Variants in SLC28A1 observed in about 807,000 individuals in gnomAD.
SLC28A1 encodes solute carrier family 28 member 1.
A neutral mutation model predicts 74.8 loss-of-function variants in SLC28A1; 64 were observed. The observed-to-expected ratio is 0.86, with a 90% CI of 0.70 to 1.05. The LOEUF (loss-of-function observed/expected upper bound fraction) is 1.05. Ranked by LOEUF, SLC28A1 falls within the 50% of genes least tolerant of loss-of-function variation. The pLI is 0.00. For missense variants in SLC28A1, 828 were observed against 822.8 expected, an observed-to-expected ratio of 1.01 and a Z score of -0.08; for synonymous variants, 359 against 335.0, an observed-to-expected ratio of 1.07 and a Z score of -0.78.
At chr15:84,930,479 A>G (rs911128550) in intron 12 of SLC28A1, among the ~76,000 whole-genome samples, 5 of 152,130 alleles carry the variant, frequency 3.3e-5, no homozygotes, top group African/African-American at 1.2e-4. Flanking sequence ...AAAAGAAACA[A>G]CTGGGGTTTA....
intron 9 of SLC28A1, among the ~76,000 whole-genome samples, chr15:84,915,966 T>TA (rs1364382720): frequency 3.9e-5 from 6 of 151,914 alleles, no homozygotes; most frequent in Non-Finnish European, 8.8e-5. Context: ...TTCTTCTTAT[T>TA]ATTATTATTA....
the SLC28A1 span, among the ~76,000 whole-genome samples, chr15:84,960,685 C>T: frequency 6.6e-6 from 1 of 152,194 alleles, no homozygotes; most frequent in African/African-American, 2.4e-5. Context: ...AACTCCGCTT[C>T]CTGTTTTCAG....
intron 5 of SLC28A1, 122 bp downstream of exon 5, chr15:84,890,656 G>A (rs1156247405): frequency 3.6e-6 from 3 of 823,508 alleles, no homozygotes; most frequent in Non-Finnish European, 6.0e-6. Flanking sequence ...ACCAACTCAG[G>A]TCCAGCTCCC....
chr15:84,927,653 A>T (rs1275012741), intron 12 of SLC28A1, among the ~76,000 whole-genome samples: 3 of 152,136 alleles, frequency 2.0e-5, no homozygotes, highest in African/African-American at 7.2e-5. Context: ...TTTAGGCTTT[A>T]TGGCTGGCTT....
downstream of SLC28A1, chr15:84,945,927 A>G (rs2079187153): frequency 1.3e-5 from 2 of 151,074 alleles, no homozygotes; most frequent in African/African-American, 2.5e-5. Context: ...TGAGGTGATC[A>G]TGGCTCACTG....
Position 84,921,084 on chromosome 15 carries a change from C to T in SLC28A1, c.957+15C>T. ...TTGTGAGCCAGGTGGGTATGGAAGC[C>T]TCCTACCCTCATGCTCATCAGCAGC... On this transcript the variant is annotated intron_variant, in intron 11 of 18. Transcript: ENST00000394573. The T allele has an allele frequency of 1.3e-6, 2 of 1,592,216 alleles. No individual in the cohort carries two copies. The highest frequency in any genetic ancestry group is 1.7e-6 in the Non-Finnish European group (2 of 1,160,142).
rs139913200 is a variant in SLC28A1, at chr15:84,909,202, A to C, written c.795+407A>C. On this transcript the variant is annotated intron_variant, in intron 9 of 18. Transcript: ENST00000394573. The stretch of plus-strand genomic sequence containing the variant: ...GCAGTTTCCAGGAAGGCTTAGGCTC[A>C]AATGATCCTCTCAGGCGCTCCTCCT... 2.9e-3 allele frequency among the ~76,000 whole-genome samples: 442 copies of C among 152,216 alleles called. 5 individuals are homozygous for C. Among genetic ancestry groups the C allele is most frequent in the Non-Finnish European group, 4.9e-3 (330 of 67,998 alleles).
In SLC28A1 at chr15:84,945,356, T is replaced by C. The variant is rs2079166558; in HGVS notation, c.*156T>C. 4.2e-6 allele frequency: 3 copies of C among 712,782 alleles called. No individual in the cohort carries two copies. Among genetic ancestry groups the C allele is most frequent in the East Asian group, 2.7e-5 (1 of 36,618 alleles). The allele number at this position is 712,782 out of a possible 1,614,324, so 44.2% of individuals were successfully genotyped here. On this transcript the variant is annotated 3_prime_UTR_variant, in exon 19 of 19. Transcript: ENST00000394573. Reference sequence around the variant, plus strand: ...TTGGGAAGGGTTCATGGAGTGAGTGTGCAGAGAGTGAGTGAGGACATAAGG... The same window carrying C: ...TTGGGAAGGGTTCATGGAGTGAGTGCGCAGAGAGTGAGTGAGGACATAAGG...
rs535311363 is a variant in SLC28A1 at position 84,900,125 on chromosome 15, T to C, written c.462-3972T>C. Among the ~76,000 whole-genome samples, 12 of 151,748 alleles carry C rather than the reference T, an allele frequency of 7.9e-5. No individual in the cohort carries two copies. The South Asian group carries it at 2.3e-3, about 29-fold the overall frequency. On this transcript the variant is annotated intron_variant, in intron 6 of 18. Transcript: ENST00000394573. ...TAAGCCCAGGAGTTCAAGACCAGCC[T>C]GAGCAATATGGTGAAACCCTGTCTC...
downstream of SLC28A1, among the ~76,000 whole-genome samples, chr15:84,949,238 T>G (rs2079333666): frequency 6.6e-6 from 1 of 152,042 alleles, no homozygotes; most frequent in African/African-American, 2.4e-5. Flanking sequence ...AGTGCATGAG[T>G]CAAGAGCAAG....
intron 8 of SLC28A1, among the ~76,000 whole-genome samples, chr15:84,907,593 C>T (rs1009225950): frequency 1.1e-4 from 16 of 152,126 alleles, no homozygotes; most frequent in Non-Finnish European, 1.5e-5. Context: ...GCAGCCTCGA[C>T]CTCCTGGAAT....
chr15:84,895,340 G>T (rs1965871081), intron 6 of SLC28A1: 1 of 1,613,646 alleles, frequency 6.2e-7, no homozygotes, highest in Admixed American at 1.7e-5. Flanking sequence ...GGTGACTGTG[G>T]TGGACGAAAA....
chr15:84,884,714 TG>T lies in SLC28A1; in HGVS notation c.-169del. 1.0e-6 allele frequency: 1 copy of T among 985,720 alleles called. No homozygotes were observed. Among genetic ancestry groups the T allele is most frequent in the Non-Finnish European group, 1.2e-6 (1 of 830,068 alleles). The allele number at this position is 985,720 out of a possible 1,614,324, so 61.1% of individuals were successfully genotyped here. ...TGCATGGTTGCTGCTGGATGTGTTG[TG>T]TTCCTGGCTTCCCTCTGGATGCTGA... On this transcript the variant is annotated 5_prime_UTR_variant, in exon 1 of 19. The change creates a premature stop within an existing upstream ORF in the 5' untranslated region. Coordinates refer to ENST00000394573, the MANE Select transcript of SLC28A1 (RefSeq NM_004213.5).
At chr15:84,919,163 T>C (rs2141900427) in intron 10 of SLC28A1, among the ~76,000 whole-genome samples, 1 of 152,278 alleles carries the variant, frequency 6.6e-6, no homozygotes, top group South Asian at 2.1e-4. Flanking sequence ...ACCGAAAAGA[T>C]ATTGAGAGAC....
chr15:84,933,384 C>A, intron 13 of SLC28A1, 109 bp downstream of exon 13: 1 of 1,342,352 alleles, frequency 7.4e-7, no homozygotes, highest in South Asian at 1.2e-5. Flanking sequence ...AGCCTGGGCC[C>A]ATCTCTCCAC....
chr15:84,968,715 T>A, the SLC28A1 span, among the ~76,000 whole-genome samples: 1 of 152,218 alleles, frequency 6.6e-6, no homozygotes, highest in Non-Finnish European at 1.5e-5. Context: ...GTGGAACCAA[T>A]CTTGAGAACG....
At chr15:84,968,836 C>T in the SLC28A1 span, among the ~76,000 whole-genome samples, 5 of 152,272 alleles carry the variant, frequency 3.3e-5, no homozygotes, top group African/African-American at 1.2e-4. Flanking sequence ...TTAAGGTAGC[C>T]AGAGTCAGAT....
intron 9 of SLC28A1, among the ~76,000 whole-genome samples, chr15:84,910,559 T>A (rs1023192397): frequency 3.2e-4 from 48 of 152,186 alleles, no homozygotes; most frequent in African/African-American, 1.2e-3. Context: ...AGAAACCCCA[T>A]CTCTACTAAA....
At chr15:84,942,576 T>C (rs189010778) in intron 15 of SLC28A1, among the ~76,000 whole-genome samples, 2 of 152,346 alleles carry the variant, frequency 1.3e-5, no homozygotes, top group African/African-American at 2.4e-5. Flanking sequence ...CCCAGGCAAC[T>C]ACTATTATTC....
Sources: allele counts gnomAD v4.1 joint callset (sites outside exome capture counted in the v4.1 genomes callset), GRCh38; gene constraint gnomAD v4.1.1; transcripts MANE v1.5; gene names NCBI Gene and HGNC (gene_info 2026-07-23, HGNC 2026-07-21).